Variants in CHST11 observed in about 807,000 individuals in gnomAD.
CHST11 encodes the protein carbohydrate sulfotransferase 11, also known as C4S-1.
In CHST11, 9 loss-of-function variants were observed where a neutral mutation model predicts 30.4. That is an observed-to-expected ratio of 0.30 (90% CI 0.18 to 0.52). The LOEUF is 0.52. Among genes scored for constraint, CHST11 ranks in the 20% least tolerant of loss-of-function variants. CHST11 has a pLI of 0.97. For missense variants in CHST11, 348 were observed against 460.6 expected, an observed-to-expected ratio of 0.76 and a Z score of 2.24; for synonymous variants, 152 against 187.8, an observed-to-expected ratio of 0.81 and a Z score of 1.56.
intron 1 of CHST11, among the ~76,000 whole-genome samples, chr12:104,478,012 G>T (rs2037580300): frequency 6.6e-6 from 1 of 152,160 alleles, no homozygotes; most frequent in South Asian, 2.1e-4. Flanking sequence ...GCAGCACCCT[G>T]AGAATGAAGC....
intron 1 of CHST11, among the ~76,000 whole-genome samples, chr12:104,528,529 A>G (rs956418400): frequency 6.6e-6 from 1 of 152,322 alleles, no homozygotes; most frequent in Non-Finnish European, 1.5e-5. Flanking sequence ...TCATGAGTTC[A>G]CTGGGTCCCC....
At chr12:104,751,117 G>C (rs928879252) in intron 2 of CHST11, among the ~76,000 whole-genome samples, 1 of 152,194 alleles carries the variant, frequency 6.6e-6, no homozygotes, top group African/African-American at 2.4e-5. Context: ...CTCTGCAACT[G>C]AATGTAAAAT....
At chr12:104,541,778 ATTAG>A (rs1012052724) in intron 1 of CHST11, among the ~76,000 whole-genome samples, 6 of 152,196 alleles carry the variant, frequency 3.9e-5, no homozygotes, top group African/African-American at 1.4e-4. Flanking sequence ...AAAGATGGTT[ATTAG>A]TTAGGCACGG....
chr12:104,641,092 A>T (rs1029269805), intron 2 of CHST11, among the ~76,000 whole-genome samples: 3 of 152,040 alleles, frequency 2.0e-5, no homozygotes, highest in African/African-American at 4.8e-5. Context: ...CCAATCGGGG[A>T]CCACTGGACT....
At chr12:104,624,608 A>G (rs1447796577) in intron 2 of CHST11, among the ~76,000 whole-genome samples, 56 of 152,256 alleles carry the variant, frequency 3.7e-4, no homozygotes, top group Admixed American at 3.7e-3. Flanking sequence ...TTACACGACT[A>G]CTGTGAGAAT....
At chr12:104,510,111 C>G (rs2037950171) in intron 1 of CHST11, among the ~76,000 whole-genome samples, 2 of 152,216 alleles carry the variant, frequency 1.3e-5, no homozygotes, top group African/African-American at 4.8e-5. Flanking sequence ...TTCTCCCATT[C>G]CACTGGCCAG....
chr12:104,540,913 T>C (rs975818166), intron 1 of CHST11, among the ~76,000 whole-genome samples: 2 of 152,136 alleles, frequency 1.3e-5, no homozygotes, highest in Non-Finnish European at 2.9e-5. Context: ...AGATTTTGCT[T>C]CTTGAGTTAA....
chr12:104,457,377 C>T lies in CHST11; in HGVS notation c.-35C>T. 5.2e-6 allele frequency: 8 copies of T among 1,552,536 alleles called. No homozygotes were observed. Among genetic ancestry groups the T allele is most frequent in the South Asian group, 1.1e-5 (1 of 89,606 alleles). ...TGCTCCTGCGCCCCGGGCGCGCTTCCCGGACACCCCGGTCCCCGCAGCCAG... is the reference window on the plus strand; with the variant it reads ...TGCTCCTGCGCCCCGGGCGCGCTTCTCGGACACCCCGGTCCCCGCAGCCAG... On this transcript the variant is annotated 5_prime_UTR_variant, in exon 1 of 3. Transcript: ENST00000303694.
intron 2 of CHST11, among the ~76,000 whole-genome samples, chr12:104,687,294 C>A (rs1340659586): frequency 6.6e-6 from 1 of 152,204 alleles, no homozygotes; most frequent in Non-Finnish European, 1.5e-5. Context: ...TGACTGAATT[C>A]GTAAAAGCAC....
intron 1 of CHST11, among the ~76,000 whole-genome samples, chr12:104,564,811 G>A (rs2038546099): frequency 6.6e-6 from 1 of 152,182 alleles, no homozygotes; most frequent in Admixed American, 6.5e-5. Flanking sequence ...ACATGGCTGG[G>A]GAGGCCTCAC....
chr12:104,600,695 C>T lies in CHST11; in HGVS notation c.119-1211C>T, dbSNP rs1366946200. Among the ~76,000 whole-genome samples, 1 of 152,192 alleles carries T rather than the reference C, an allele frequency of 6.6e-6. No homozygotes were observed. Among genetic ancestry groups the T allele is most frequent in the African/African-American group, 2.4e-5 (1 of 41,446 alleles). On this transcript the variant is annotated intron_variant, in intron 1 of 2. Transcript: ENST00000303694. The surrounding 1 kb of genome is among the most constrained non-coding windows in gnomAD (Gnocchi z 4.1). ...TCTGTTCCAGGGAATGTCCTGCTGT[C>T]CATTCATTGCCTCTGTGGAGCAGGT...
intron 2 of CHST11, among the ~76,000 whole-genome samples, chr12:104,705,345 G>A (rs754207483): frequency 7.9e-5 from 12 of 152,158 alleles, no homozygotes; most frequent in Non-Finnish European, 1.8e-4. Flanking sequence ...TCTCTAGAAT[G>A]GGAATGATAG....
chr12:104,753,742 C>T (rs2040453319), intron 2 of CHST11, among the ~76,000 whole-genome samples: 1 of 152,196 alleles, frequency 6.6e-6, no homozygotes, highest in Non-Finnish European at 1.5e-5. Flanking sequence ...TGGCCAAGAC[C>T]CCGGCAGTCA....
At chr12:104,627,145 T>G (rs1370674130) in intron 2 of CHST11, among the ~76,000 whole-genome samples, 2 of 152,356 alleles carry the variant, frequency 1.3e-5, no homozygotes, top group East Asian at 3.9e-4. Context: ...CATTTACATT[T>G]TCTCCATGTC....
At position 104,457,323 on chromosome 12, in the gene CHST11, C is replaced by T. The variant is rs1593942541; in HGVS notation, c.-89C>T. On this transcript the variant is annotated 5_prime_UTR_variant, in exon 1 of 3. Coordinates refer to ENST00000303694, the MANE Select transcript of CHST11 (RefSeq NM_018413.6). ...CTTGCTCAGCTCTGCCCCGCGCCTC[C>T]CGGGCTCCGGTCCGCGCGGCGGGGT... 1.1e-6 allele frequency: 1 copy of T among 898,492 alleles called. No individual in the cohort carries two copies. Among genetic ancestry groups the T allele is most frequent in the Non-Finnish European group, 1.8e-6 (1 of 563,648 alleles). 55.7% of individuals were successfully genotyped at this position (898,492 alleles called of 1,614,324 possible).
chr12:104,597,540 C>T (rs912580195), intron 1 of CHST11, among the ~76,000 whole-genome samples: 4 of 152,138 alleles, frequency 2.6e-5, no homozygotes, highest in Non-Finnish European at 5.9e-5. Context: ...AAGAACCAAA[C>T]CTCTCTGATG....
intron 2 of CHST11, among the ~76,000 whole-genome samples, chr12:104,752,501 TTTAC>T (rs1305626652): frequency 6.4e-5 from 8 of 124,614 alleles, no homozygotes; most frequent in East Asian, 4.3e-4. Context: ...GGGAAATTTA[TTTAC>T]TTATTTATTT....
At chr12:104,583,559 C>T (rs1310377831) in intron 1 of CHST11, among the ~76,000 whole-genome samples, 4 of 152,142 alleles carry the variant, frequency 2.6e-5, no homozygotes, top group Non-Finnish European at 5.9e-5. Flanking sequence ...TGGGGCCTCC[C>T]CTATTCATTT....
At chr12:104,727,775 A>C (rs906744867) in intron 2 of CHST11, among the ~76,000 whole-genome samples, 1 of 152,222 alleles carries the variant, frequency 6.6e-6, no homozygotes, top group African/African-American at 2.4e-5. Flanking sequence ...CAGCCATGAA[A>C]ATGGCAAACG....
Sources: allele counts gnomAD v4.1 joint callset (sites outside exome capture counted in the v4.1 genomes callset), GRCh38; gene constraint gnomAD v4.1.1; non-coding constraint Gnocchi (gnomAD v3.1); transcripts MANE v1.5; gene names NCBI Gene and HGNC (gene_info 2026-07-23, HGNC 2026-07-21).